NALCN: variants seen among roughly 807,000 people sequenced by gnomAD.
NALCN encodes the protein sodium leak channel NALCN.
A neutral mutation model predicts 225.3 loss-of-function variants in NALCN; 111 were observed. The ratio of observed to expected loss-of-function variants is 0.49; its 90% CI spans 0.42 to 0.58. The LOEUF (loss-of-function observed/expected upper bound fraction) is 0.58, where lower values mean the gene tolerates loss of function less well. Ranked by LOEUF, NALCN falls within the 20% of genes least tolerant of loss-of-function variation. The pLI is 0.00. For synonymous variants in NALCN, 764 were observed against 769.0 expected, an observed-to-expected ratio of 0.99 and a Z score of 0.11; for missense variants, 1,378 against 2,202.4, an observed-to-expected ratio of 0.63 and a Z score of 7.49.
At chr13:101,363,532 T>C (rs2046305520) in intron 6 of NALCN, among the ~76,000 whole-genome samples, 1 of 152,128 alleles carries the variant, frequency 6.6e-6, no homozygotes, top group South Asian at 2.1e-4. Context: ...GATATCCATG[T>C]GCAGAAGAAT....
intron 6 of NALCN, among the ~76,000 whole-genome samples, chr13:101,346,608 G>C (rs1287016840): frequency 1.3e-5 from 2 of 152,100 alleles, no homozygotes; most frequent in Non-Finnish European, 2.9e-5. Flanking sequence ...GATAGCTCTA[G>C]GAATATAAGA....
chr13:101,163,640 A>G (rs1253851155), intron 15 of NALCN, among the ~76,000 whole-genome samples: 1 of 152,102 alleles, frequency 6.6e-6, no homozygotes, highest in African/African-American at 2.4e-5. Flanking sequence ...TAGGATTCCA[A>G]GGGTACGTCC....
chr13:101,232,701 C>A (rs868326706), intron 12 of NALCN, among the ~76,000 whole-genome samples: 2 of 152,216 alleles, frequency 1.3e-5, no homozygotes. Context: ...CTGCCTCGGC[C>A]TCCCAAAGTG....
At chr13:101,244,557 T>G (rs16958706) in intron 11 of NALCN, among the ~76,000 whole-genome samples, 2,733 of 152,308 alleles carry the variant, frequency 0.018, 70 homozygotes, top group African/African-American at 0.063. Flanking sequence ...GAACATAATT[T>G]GTTAACTTTT....
chr13:101,089,869 CA>C lies in NALCN; in HGVS notation c.3366del (p.Asp1122GlufsTer24). 6.2e-7 allele frequency: 1 copy of C among 1,614,050 alleles called. No homozygotes were observed. The highest frequency in any genetic ancestry group is 8.5e-7 in the Non-Finnish European group (1 of 1,179,934). On this transcript the variant is annotated frameshift_variant, in exon 29 of 44. Coordinates refer to ENST00000251127, the MANE Select transcript of NALCN (RefSeq NM_052867.4). LOFTEE classifies it high-confidence loss of function. This position sits in a 1 kb window ranked among gnomAD's most constrained non-coding sequence, Gnocchi z 4.7. ...ACCGGCCCCACACGATGAATAATAA[CA>C]TCTCTCACTTCCACCCAGCCTTTCA... is the stretch of plus-strand genomic sequence containing the variant. Reference protein sequence around the residue: ...LSLKGWVEVRDVIIHRVGPIH... With the variant: ...LSLKGWVEVRXVIIHRVGPIH...
At chr13:101,093,914 C>T (rs1332335739) in intron 28 of NALCN, among the ~76,000 whole-genome samples, 1 of 152,174 alleles carries the variant, frequency 6.6e-6, no homozygotes, top group Non-Finnish European at 1.5e-5. Flanking sequence ...CTTCAGGCCA[C>T]CACGAGATTC....
chr13:101,317,203 A>C (rs1340192116), intron 7 of NALCN, among the ~76,000 whole-genome samples: 1 of 152,188 alleles, frequency 6.6e-6, no homozygotes, highest in African/African-American at 2.4e-5. Flanking sequence ...CACTTATTTT[A>C]CTGTACAAAA....
intron 7 of NALCN, among the ~76,000 whole-genome samples, chr13:101,337,993 G>A (rs1356416324): frequency 6.6e-6 from 1 of 152,134 alleles, no homozygotes; most frequent in African/African-American, 2.4e-5. Context: ...AAAACACAAT[G>A]GATGCAAAAC....
chr13:101,108,342 G>A (rs913090947), intron 20 of NALCN, among the ~76,000 whole-genome samples: 2 of 152,058 alleles, frequency 1.3e-5, no homozygotes, highest in African/African-American at 4.8e-5. Context: ...TAGTGTGCAG[G>A]ATATGGCAAG....
chr13:101,373,743 G>A (rs1487748428), intron 6 of NALCN, among the ~76,000 whole-genome samples: 1 of 152,054 alleles, frequency 6.6e-6, no homozygotes, highest in Non-Finnish European at 1.5e-5. Flanking sequence ...TACCTCATAA[G>A]AAATACACAA....
At chr13:101,114,425 T>C (rs1362358919) in intron 18 of NALCN, among the ~76,000 whole-genome samples, 2 of 147,540 alleles carry the variant, frequency 1.4e-5, no homozygotes, top group Non-Finnish European at 3.0e-5. Flanking sequence ...AGCATATTCA[T>C]TCTCTCTCTC....
intron 10 of NALCN, among the ~76,000 whole-genome samples, chr13:101,262,409 C>G (rs920932681): frequency 1.3e-5 from 2 of 152,000 alleles, no homozygotes; most frequent in African/African-American, 4.8e-5. Flanking sequence ...GGCTGAAGGC[C>G]CTGGGCAGCA....
chr13:101,232,955 C>T (rs899625018), intron 12 of NALCN, among the ~76,000 whole-genome samples: 9 of 152,032 alleles, frequency 5.9e-5, no homozygotes, highest in African/African-American at 2.2e-4. Context: ...TAACTGTAAA[C>T]AGCTTGAAAA....
intron 37 of NALCN, among the ~76,000 whole-genome samples, chr13:101,071,553 C>T (rs563100921): frequency 5.9e-5 from 9 of 152,266 alleles, no homozygotes; most frequent in Middle Eastern, 3.4e-3. Flanking sequence ...GCGTCCTCAC[C>T]TCTCTCACCC....
intron 30 of NALCN, among the ~76,000 whole-genome samples, chr13:101,088,760 C>T (rs975095927): frequency 6.6e-6 from 1 of 152,230 alleles, no homozygotes; most frequent in Admixed American, 6.5e-5. Context: ...CTTCCCCAAA[C>T]TCACACTTTG....
chr13:101,117,443 T>C (rs1278732404), intron 18 of NALCN, among the ~76,000 whole-genome samples: 1 of 152,230 alleles, frequency 6.6e-6, no homozygotes, highest in Non-Finnish European at 1.5e-5. Flanking sequence ...AAAAGTGAAA[T>C]TTTGTAAATG....
intron 6 of NALCN, among the ~76,000 whole-genome samples, chr13:101,373,972 G>C (rs2046613124): frequency 6.6e-6 from 1 of 152,078 alleles, no homozygotes; most frequent in Non-Finnish European, 1.5e-5. Context: ...AGTGGTTAAA[G>C]TAGAGACATA....
rs114247689 is a variant in NALCN, at chr13:101,109,905, A to C, written c.2364+714T>G. On this transcript the variant is annotated intron_variant, in intron 20 of 43. Transcript: ENST00000251127. ...ATGACTTCATTTTACTTTACATTATAAAGCAAATCTGTCACAGTAATGAAG... is the reference window on the plus strand; with the variant it reads ...ATGACTTCATTTTACTTTACATTATCAAGCAAATCTGTCACAGTAATGAAG... 3.6e-3 allele frequency among the ~76,000 whole-genome samples: 544 copies of C among 152,290 alleles called. 3 individuals are homozygous for C. Among genetic ancestry groups the C allele is most frequent in the African/African-American group, 0.012 (504 of 41,562 alleles).
At chr13:101,134,185 C>CA (rs563906328) in intron 17 of NALCN, among the ~76,000 whole-genome samples, 3,579 of 151,098 alleles carry the variant, frequency 0.024, 57 homozygotes, top group Non-Finnish European at 0.038. Flanking sequence ...AACAAACAAA[C>CA]AAAAAAAAAG....
Sources: gnomAD v4.1 joint callset for allele counts (sites outside exome capture counted in the v4.1 genomes callset) on GRCh38, gnomAD v4.1.1 for gene constraint, Gnocchi (gnomAD v3.1) non-coding constraint, MANE v1.5 for transcripts, NCBI Gene and HGNC (gene_info 2026-07-23, HGNC 2026-07-21) for gene names.